Variants in HSPBAP1 observed in about 807,000 individuals in gnomAD.
HSPBAP1 encodes the protein HSPB1 associated protein 1.
HSPBAP1 carries 27 observed loss-of-function variants against 45.2 expected under a neutral mutation model. The observed-to-expected ratio is 0.60, with a 90% CI of 0.44 to 0.82. The LOEUF (loss-of-function observed/expected upper bound fraction) is 0.82. Ranked by LOEUF, HSPBAP1 falls within the 40% of genes least tolerant of loss-of-function variation. The probability of loss-of-function intolerance (pLI) is 0.00; values close to 1 mark genes in which losing one functional copy is unlikely to be tolerated. For synonymous variants in HSPBAP1, 204 were observed against 202.7 expected (o/e 1.01, Z -0.06); for missense variants, 510 against 590.9 (o/e 0.86, Z 1.42).
At chr3:122,783,236 A>T (rs1242879908) in intron 1 of HSPBAP1, among the ~76,000 whole-genome samples, 1 of 152,174 alleles carries the variant, frequency 6.6e-6, no homozygotes, top group Non-Finnish European at 1.5e-5. Flanking sequence ...TTTCCTTGAG[A>T]TGGTTGCTGC....
chr3:122,773,803 AT>A (rs1045193253), intron 2 of HSPBAP1, among the ~76,000 whole-genome samples: 2 of 149,110 alleles, frequency 1.3e-5, no homozygotes, highest in African/African-American at 5.0e-5. Flanking sequence ...TGCCAAGATA[AT>A]TTTTTTATAC....
intron 2 of HSPBAP1, among the ~76,000 whole-genome samples, chr3:122,776,602 G>A (rs1222351009): frequency 6.6e-6 from 1 of 152,154 alleles, no homozygotes; most frequent in Non-Finnish European, 1.5e-5. Context: ...CTCCAAATTA[G>A]TGCCTAACAG....
intron 4 of HSPBAP1, among the ~76,000 whole-genome samples, chr3:122,757,497 T>G (rs1294697295): frequency 6.6e-6 from 1 of 152,202 alleles, no homozygotes; most frequent in East Asian, 1.9e-4. Context: ...TCTCTTCTAC[T>G]TTTTAGTCCC....
chr3:122,744,749 T>C (rs1244178377), intron 6 of HSPBAP1, among the ~76,000 whole-genome samples: 6 of 152,222 alleles, frequency 3.9e-5, no homozygotes, highest in African/African-American at 1.4e-4. Context: ...ATAATAAGCC[T>C]TTTAAAACAC....
At chr3:122,780,587 G>A (rs1935409860) in intron 1 of HSPBAP1, among the ~76,000 whole-genome samples, 1 of 145,240 alleles carries the variant, frequency 6.9e-6, no homozygotes, top group Non-Finnish European at 1.5e-5. Flanking sequence ...GGACGGGGCG[G>A]CTGGCCGGGC....
chr3:122,779,040 CT>C (rs35186596), intron 1 of HSPBAP1, among the ~76,000 whole-genome samples: 7 of 146,798 alleles, frequency 4.8e-5, no homozygotes, highest in East Asian at 2.0e-4. Context: ...CTTTCTTTTT[CT>C]TTTTTTTTTG....
chr3:122,789,543 A>G (rs1378759657), intron 1 of HSPBAP1, among the ~76,000 whole-genome samples: 1 of 152,230 alleles, frequency 6.6e-6, no homozygotes, highest in African/African-American at 2.4e-5. Flanking sequence ...TCAAACAAAC[A>G]ATATCACATT....
chr3:122,784,779 G>C (rs1245103469), intron 1 of HSPBAP1, among the ~76,000 whole-genome samples: 5 of 152,370 alleles, frequency 3.3e-5, no homozygotes, highest in Middle Eastern at 3.4e-3. Context: ...TGCCATAAGA[G>C]AAGTCAGGAG....
intron 6 of HSPBAP1, among the ~76,000 whole-genome samples, chr3:122,747,515 C>G (rs551346241): frequency 2.7e-5 from 4 of 150,710 alleles, no homozygotes; most frequent in African/African-American, 9.7e-5. Context: ...CCCGGCCAGC[C>G]GCCCCGTCTC....
intron 3 of HSPBAP1, chr3:122,761,847 G>C (rs1302527600): frequency 6.6e-6 from 1 of 151,276 alleles, no homozygotes; most frequent in Non-Finnish European, 1.5e-5. Context: ...ACAGCATTGA[G>C]AGTTGGGATT....
intron 3 of HSPBAP1, among the ~76,000 whole-genome samples, chr3:122,765,176 G>A (rs1370728880): frequency 6.6e-6 from 1 of 152,204 alleles, no homozygotes; most frequent in Non-Finnish European, 1.5e-5. Flanking sequence ...AAAAGACTCA[G>A]ACAATTGCTA....
chr3:122,784,646 G>A (rs1003200955), intron 1 of HSPBAP1, among the ~76,000 whole-genome samples: 1 of 152,212 alleles, frequency 6.6e-6, no homozygotes, highest in Non-Finnish European at 1.5e-5. Flanking sequence ...GTGGCAGTGA[G>A]TAAGTCAGAT....
At chr3:122,741,301 C>A in intron 6 of HSPBAP1, 188 bp from the exon 7 acceptor site, 2 of 582,382 alleles carry the variant, frequency 3.4e-6, no homozygotes, top group Non-Finnish European at 6.1e-6. Context: ...AGAAGAGCTG[C>A]AGAATATTTC....
chr3:122,745,664 G>C (rs1351875512), intron 6 of HSPBAP1, among the ~76,000 whole-genome samples: 1 of 152,162 alleles, frequency 6.6e-6, no homozygotes, highest in Non-Finnish European at 1.5e-5. Flanking sequence ...CTATATTCAA[G>C]GAACCCTTAT....
At chr3:122,756,058 T>A in intron 4 of HSPBAP1, among the ~76,000 whole-genome samples, 1 of 152,008 alleles carries the variant, frequency 6.6e-6, no homozygotes, top group East Asian at 1.9e-4. Context: ...AAATTCTAAC[T>A]CACAAAACAC....
At chr3:122,784,181 G>C (rs1257067174) in intron 1 of HSPBAP1, among the ~76,000 whole-genome samples, 1 of 151,974 alleles carries the variant, frequency 6.6e-6, no homozygotes, top group East Asian at 1.9e-4. Context: ...GCATATTTGG[G>C]GGTGGCATAT....
chr3:122,758,856 G>C (rs1934449254), intron 4 of HSPBAP1: 1 of 449,586 alleles, frequency 2.2e-6, no homozygotes, highest in Admixed American at 2.4e-5. Flanking sequence ...ACTCCAGCCT[G>C]GGCAACAGAG....
chr3:122,788,225 C>A (rs1935715328), intron 1 of HSPBAP1, among the ~76,000 whole-genome samples: 1 of 152,028 alleles, frequency 6.6e-6, no homozygotes, highest in African/African-American at 2.4e-5. Flanking sequence ...ATCTTTACCT[C>A]AAAAAATGGC....
chr3:122,774,961 T>C (rs1433275136), intron 2 of HSPBAP1, among the ~76,000 whole-genome samples: 1 of 152,190 alleles, frequency 6.6e-6, no homozygotes, highest in Non-Finnish European at 1.5e-5. Flanking sequence ...CAAAATCTGT[T>C]TGCAAAGATG....
Sources: allele counts gnomAD v4.1 joint callset (sites outside exome capture counted in the v4.1 genomes callset), GRCh38; gene constraint gnomAD v4.1.1; transcripts MANE v1.5; gene names NCBI Gene and HGNC (gene_info 2026-07-23, HGNC 2026-07-21).